The following CNTN4 variants were observed in gnomAD, a reference collection of about 807,000 sequenced individuals.
CNTN4 encodes the protein contactin-4.
In CNTN4, 77 loss-of-function variants were observed where a neutral mutation model predicts 122.5. The observed-to-expected ratio is 0.63, with a 90% CI of 0.52 to 0.76. The LOEUF is 0.76. Ranked by LOEUF, CNTN4 falls within the 30% of genes least tolerant of loss-of-function variation. CNTN4 has a pLI of 0.00. For missense variants in CNTN4, 1,256 were observed against 1,259.1 expected (o/e 1.00, Z 0.04); for synonymous variants, 512 against 447.0 (o/e 1.15, Z -1.83).
intron 7 of CNTN4, among the ~76,000 whole-genome samples, chr3:2,846,520 G>A (rs1376500904): frequency 2.0e-5 from 3 of 152,264 alleles, no homozygotes; most frequent in East Asian, 3.9e-4. Flanking sequence ...TTAGCAGCAT[G>A]AGAAGAGATT....
chr3:2,941,064 G>A lies in CNTN4; in HGVS notation c.1358+15285G>A, dbSNP rs1248706719. Among the ~76,000 whole-genome samples the A allele has an allele frequency of 5.9e-5, 9 of 152,178 alleles. 1 individual carries two copies. Among genetic ancestry groups the A allele is most frequent in the Non-Finnish European group, 1.3e-4 (9 of 68,036 alleles). On this transcript the variant is annotated intron_variant, in intron 13 of 24. Coordinates refer to ENST00000418658, the MANE Select transcript of CNTN4 (RefSeq NM_175607.3). ...GACTGCTCTTAATATCAGGAAAGATGTTTTTCAGGTGAATGCAATGTGTTC... is the reference window on the plus strand; with the variant it reads ...GACTGCTCTTAATATCAGGAAAGATATTTTTCAGGTGAATGCAATGTGTTC...
intron 13 of CNTN4, among the ~76,000 whole-genome samples, chr3:2,977,136 C>T (rs1466147103): frequency 1.3e-5 from 2 of 152,178 alleles, no homozygotes; most frequent in Non-Finnish European, 2.9e-5. Flanking sequence ...ATTTCTTGGG[C>T]ATTGTATTCC....
chr3:3,012,899 C>T (rs1211560464), intron 14 of CNTN4, among the ~76,000 whole-genome samples: 1 of 151,764 alleles, frequency 6.6e-6, no homozygotes, highest in African/African-American at 2.4e-5. Flanking sequence ...AACTGGGAGG[C>T]AGAAGTTGCT....
chr3:2,437,757 G>A lies in CNTN4; in HGVS notation c.-89+98524G>A, dbSNP rs923741331. 9.2e-5 allele frequency among the ~76,000 whole-genome samples: 14 copies of A among 152,302 alleles called. No individual in the cohort carries two copies. The East Asian group carries it at 1.9e-3, about 21-fold the overall frequency. ...TACACACTTTGAAAAACTCTGAAGC[G>A]TGAAGCGTAATCGCCAATATCTTTG... On this transcript the variant is annotated intron_variant, in intron 3 of 24. Transcript: ENST00000418658.
chr3:2,886,513 C>CTTTTT (rs200813621), intron 9 of CNTN4, among the ~76,000 whole-genome samples: 1 of 136,868 alleles, frequency 7.3e-6, no homozygotes. Flanking sequence ...AGATAGATCA[C>CTTTTT]TTTTTTTTTT....
intron 4 of CNTN4, among the ~76,000 whole-genome samples, chr3:2,606,720 A>T (rs1204066667): frequency 3.3e-5 from 5 of 152,180 alleles, no homozygotes; most frequent in African/African-American, 1.2e-4. Flanking sequence ...GAATGAAATG[A>T]TCCACAGAAG....
At chr3:2,957,064 T>A (rs188228331) in intron 13 of CNTN4, among the ~76,000 whole-genome samples, 2 of 152,348 alleles carry the variant, frequency 1.3e-5, no homozygotes, top group East Asian at 1.9e-4. Context: ...TGTTTCTATA[T>A]CTTGGCTATT....
intron 7 of CNTN4, among the ~76,000 whole-genome samples, chr3:2,849,808 G>T (rs1186797225): frequency 1.3e-5 from 2 of 152,168 alleles, no homozygotes; most frequent in Non-Finnish European, 2.9e-5. Flanking sequence ...CAGATAATGT[G>T]AGTCAGGTGG....
Position 2,841,096 on chromosome 3 carries a change from A to T in CNTN4, c.454+21515A>T, listed in dbSNP as rs982563075. 1.3e-5 allele frequency among the ~76,000 whole-genome samples: 2 copies of T among 152,196 alleles called. No homozygotes were observed. The highest frequency in any genetic ancestry group is 2.4e-5 in the African/African-American group (1 of 41,458). ...TCAAAATCATACATGACTGATACCA[A>T]TCTCATCATTGGACTAGATTTCTCA... On this transcript the variant is annotated intron_variant, in intron 7 of 24. Coordinates refer to ENST00000418658, the MANE Select transcript of CNTN4 (RefSeq NM_175607.3). The surrounding 1 kb of genome is among the most constrained non-coding windows in gnomAD (Gnocchi z 4.8).
intron 3 of CNTN4, among the ~76,000 whole-genome samples, chr3:2,399,186 G>T (rs1228805636): frequency 1.3e-5 from 2 of 151,984 alleles, no homozygotes; most frequent in African/African-American, 4.8e-5. Flanking sequence ...CAGTTTCTCT[G>T]GGGTCCCTTT....
chr3:2,292,681 C>T (rs970546418), intron 2 of CNTN4, among the ~76,000 whole-genome samples: 3 of 152,174 alleles, frequency 2.0e-5, no homozygotes, highest in African/African-American at 7.2e-5. Context: ...AGTATATACT[C>T]TTCTTTGCCT....
At chr3:2,550,169 T>A (rs1290917420) in intron 3 of CNTN4, among the ~76,000 whole-genome samples, 1 of 152,152 alleles carries the variant, frequency 6.6e-6, no homozygotes, top group African/African-American at 2.4e-5. Flanking sequence ...TCATTGATTT[T>A]TTGAAGGGTT....
chr3:2,443,606 C>A (rs2048515995), intron 3 of CNTN4, among the ~76,000 whole-genome samples: 1 of 152,150 alleles, frequency 6.6e-6, no homozygotes, highest in Non-Finnish European at 1.5e-5. Flanking sequence ...GAATATTGAT[C>A]TTTCCAAAGT....
chr3:2,609,832 A>AGG (rs2081408319), intron 4 of CNTN4, among the ~76,000 whole-genome samples: 1 of 152,160 alleles, frequency 6.6e-6, no homozygotes, highest in Non-Finnish European at 1.5e-5. Flanking sequence ...CTATCAATAA[A>AGG]GAGGTATTTT....
chr3:2,345,044 C>T (rs937100035), intron 3 of CNTN4, among the ~76,000 whole-genome samples: 1 of 152,138 alleles, frequency 6.6e-6, no homozygotes, highest in Non-Finnish European at 1.5e-5. Context: ...TGGTAGTTGA[C>T]AGAGCTTTCC....
At chr3:2,896,984 C>A (rs1366530662) in intron 10 of CNTN4, among the ~76,000 whole-genome samples, 3 of 81,488 alleles carry the variant, frequency 3.7e-5, no homozygotes, top group East Asian at 3.6e-4. Context: ...TTTTAAATTT[C>A]TAAGGCCTAA....
intron 4 of CNTN4, among the ~76,000 whole-genome samples, chr3:2,705,834 A>G (rs1317153841): frequency 1.9e-5 from 2 of 103,996 alleles, no homozygotes; most frequent in African/African-American, 4.1e-5. Flanking sequence ...ATAAATATAT[A>G]TAATATATAA....
intron 3 of CNTN4, among the ~76,000 whole-genome samples, chr3:2,355,233 T>C (rs1454650735): frequency 6.6e-6 from 1 of 152,182 alleles, no homozygotes; most frequent in Non-Finnish European, 1.5e-5. Context: ...TAATACAGAA[T>C]AGTAAAGAAC....
At chr3:2,663,367 T>G (rs1230429497) in intron 4 of CNTN4, among the ~76,000 whole-genome samples, 1 of 151,992 alleles carries the variant, frequency 6.6e-6, no homozygotes, top group Non-Finnish European at 1.5e-5. Flanking sequence ...GGGGACCCAG[T>G]GAATGTAAAA....
Sources: gnomAD v4.1 joint callset for allele counts (sites outside exome capture counted in the v4.1 genomes callset) on GRCh38, gnomAD v4.1.1 for gene constraint, Gnocchi (gnomAD v3.1) non-coding constraint, MANE v1.5 for transcripts, NCBI Gene and HGNC (gene_info 2026-07-23, HGNC 2026-07-21) for gene names.